CREG2: variants seen among roughly 807,000 people sequenced by gnomAD.
CREG2 encodes cellular repressor of E1A stimulated genes 2.
A neutral mutation model predicts 26.2 loss-of-function variants in CREG2; 24 were observed. The ratio of observed to expected loss-of-function variants is 0.92; its 90% CI spans 0.66 to 1.29. CREG2 has a LOEUF of 1.29. Ranked by LOEUF, CREG2 falls within the 50% of genes most tolerant of loss-of-function variation. CREG2 has a pLI of 0.00. For synonymous variants in CREG2, 174 were observed against 169.2 expected, an observed-to-expected ratio of 1.03 and a Z score of -0.22; for missense variants, 366 against 398.6, an observed-to-expected ratio of 0.92 and a Z score of 0.70.
chr2:101,351,042 G>A lies in CREG2; in HGVS notation c.754C>T (p.Gln252Ter). 1 of 1,614,072 alleles carries A rather than the reference G, an allele frequency of 6.2e-7. No homozygotes were observed. Among genetic ancestry groups the A allele is most frequent in the Middle Eastern group, 1.7e-4 (1 of 6,060 alleles). The change falls in exon 4 of 4, where the codon CAA (glutamine) becomes TAA (stop). Residue 252 changes from glutamine (Q) to a stop codon, truncating the protein, a stop_gained. Coordinates refer to ENST00000324768, the MANE Select transcript of CREG2 (RefSeq NM_153836.4). LOFTEE classifies it high-confidence loss of function. ...RHPGMRKWPR[Q>*]YEWFFMKMRI... Reference sequence around the variant, plus strand: ...ATCTTCATAAAGAACCATTCATATTGACGAGGCCACTTCCTCATCCCTGGG... The same window carrying A: ...ATCTTCATAAAGAACCATTCATATTAACGAGGCCACTTCCTCATCCCTGGG...
At chr2:101,354,062 A>T (rs1338439266) in intron 3 of CREG2, among the ~76,000 whole-genome samples, 1 of 152,174 alleles carries the variant, frequency 6.6e-6, no homozygotes, top group Non-Finnish European at 1.5e-5. Context: ...CCACCATGGC[A>T]CATGTATACC....
rs913738526 is a variant in CREG2 at position 101,382,973 on chromosome 2, G to C, written c.611+560C>G. 7.1e-6 allele frequency: 7 copies of C among 985,704 alleles called. No homozygotes were observed. The African/African-American group carries it at 1.2e-4, about 17-fold the overall frequency. The allele number at this position is 985,704 out of a possible 1,614,324, so 61.1% of individuals were successfully genotyped here. A position where few individuals can be genotyped will look rare whatever the true frequency, so the allele number is the denominator to read the frequency against. On this transcript the variant is annotated intron_variant, in intron 2 of 3. Coordinates refer to ENST00000324768, the MANE Select transcript of CREG2 (RefSeq NM_153836.4). ...TTGCATTTTGAATTCAGATAAAGGG[G>C]CCTGCATCAATGTTCTGTTAGTGCT...
At chr2:101,377,079 C>G (rs1684804060) in intron 2 of CREG2, among the ~76,000 whole-genome samples, 2 of 152,084 alleles carry the variant, frequency 1.3e-5, no homozygotes, top group South Asian at 4.1e-4. Flanking sequence ...AGACTTAATT[C>G]CCAAAGATGT....
intron 2 of CREG2, among the ~76,000 whole-genome samples, chr2:101,379,528 A>C (rs1684838590): frequency 6.6e-6 from 1 of 152,210 alleles, no homozygotes; most frequent in Non-Finnish European, 1.5e-5. Flanking sequence ...TTTATCTTTA[A>C]GACACAGGCC....
chr2:101,352,039 T>G (rs1187344707), intron 3 of CREG2, among the ~76,000 whole-genome samples: 1 of 76,820 alleles, frequency 1.3e-5, no homozygotes, highest in Non-Finnish European at 2.4e-5. Context: ...CCTGGCTAAT[T>G]TAAAAAAAAT....
intron 2 of CREG2, among the ~76,000 whole-genome samples, chr2:101,368,548 C>T (rs1384211480): frequency 6.6e-6 from 1 of 152,164 alleles, no homozygotes; most frequent in African/African-American, 2.4e-5. Flanking sequence ...GCAGGAGACA[C>T]AGACACCAGA....
chr2:101,366,498 GA>G (rs147867533), intron 2 of CREG2, among the ~76,000 whole-genome samples: 6 of 150,330 alleles, frequency 4.0e-5, no homozygotes, highest in Admixed American at 1.3e-4. Flanking sequence ...AAATATTTAG[GA>G]AAAAAAAAGC....
At chr2:101,363,204 C>T (rs1326631057) in intron 2 of CREG2, among the ~76,000 whole-genome samples, 1 of 152,182 alleles carries the variant, frequency 6.6e-6, no homozygotes, top group Non-Finnish European at 1.5e-5. Context: ...CGCCATTGTA[C>T]TGGGGATTCC....
intron 2 of CREG2, among the ~76,000 whole-genome samples, chr2:101,364,928 A>G (rs1205121720): frequency 6.6e-6 from 1 of 152,188 alleles, no homozygotes; most frequent in African/African-American, 2.4e-5. Flanking sequence ...TGATGGGGGC[A>G]AAGGGTTGGC....
At chr2:101,364,550 G>T (rs1684592571) in intron 2 of CREG2, among the ~76,000 whole-genome samples, 1 of 152,166 alleles carries the variant, frequency 6.6e-6, no homozygotes, top group Non-Finnish European at 1.5e-5. Flanking sequence ...AATAAGTATG[G>T]GTGTCATCTG....
chr2:101,382,486 G>C (rs1684892085), intron 2 of CREG2: 1 of 980,958 alleles, frequency 1.0e-6, no homozygotes, highest in African/African-American at 1.8e-5. Context: ...TGTACTTCTA[G>C]TAACAGTAAG....
chr2:101,380,288 TC>T (rs1684852591), intron 2 of CREG2, among the ~76,000 whole-genome samples: 2 of 152,180 alleles, frequency 1.3e-5, no homozygotes, highest in African/African-American at 4.8e-5. Context: ...GTTGGAGGCT[TC>T]TTGCTCCCGG....
rs1573319673 is a variant in CREG2, at chr2:101,383,676, G to A, written c.468C>T (p.Cys156=). 10 of 1,610,214 alleles carry A rather than the reference G, an allele frequency of 6.2e-6. No homozygotes were observed. Among genetic ancestry groups the A allele is most frequent in the South Asian group, 2.2e-5 (2 of 90,722 alleles). ...KKIQGLPFGN[C]LPVSDGPFNN... is the part of the protein sequence containing the mutation. The stretch of plus-strand genomic sequence containing the variant: ...TGAAGGGGCCATCACTGACGGGCAG[G>A]CAGTTCCCAAATGGCAGTCCTTGGA... Residue 156 remains cysteine (C), a synonymous_variant, in exon 2 of 4, where the codon TGC becomes TGT. Coordinates refer to ENST00000324768, the MANE Select transcript of CREG2 (RefSeq NM_153836.4).
chr2:101,378,798 G>C (rs1173470862), intron 2 of CREG2, among the ~76,000 whole-genome samples: 1 of 152,096 alleles, frequency 6.6e-6, no homozygotes, highest in Non-Finnish European at 1.5e-5. Context: ...CACGAGGTCA[G>C]GAGTTCAAGA....
rs1372442894 is a variant in CREG2 at position 101,347,394 on chromosome 2, A to C, written c.*3529T>G. ...GTTTAGTTTTATGAGAAACTGGCAAATGGTTTTGCGGAGTGGCTGTTCCAT... is the reference window on the plus strand; with the variant it reads ...GTTTAGTTTTATGAGAAACTGGCAACTGGTTTTGCGGAGTGGCTGTTCCAT... On this transcript the variant is annotated 3_prime_UTR_variant, in exon 4 of 4. Transcript: ENST00000324768. 1 of 152,170 alleles carries C rather than the reference A, an allele frequency of 6.6e-6. No individual in the cohort carries two copies. The highest frequency in any genetic ancestry group is 1.9e-4 in the East Asian group (1 of 5,196). The allele number at this position is 152,170 out of a possible 1,614,324, so 9.4% of individuals were successfully genotyped here. A position where few individuals can be genotyped will look rare whatever the true frequency, so the allele number is the denominator to read the frequency against.
Position 101,347,802 on chromosome 2 carries a change from A to G in CREG2, c.*3121T>C, listed in dbSNP as rs1191696316. ...TCGGCCTTTTAACATGGTCTTTTGC[A>G]GAACAAATGTTTTAAATTCTGATGA... On this transcript the variant is annotated 3_prime_UTR_variant, in exon 4 of 4. Transcript: ENST00000324768. 1 of 152,200 alleles carries G rather than the reference A, an allele frequency of 6.6e-6. No homozygotes were observed. Among genetic ancestry groups the G allele is most frequent in the Admixed American group, 6.5e-5 (1 of 15,284 alleles). 9.4% of individuals were successfully genotyped at this position (152,200 alleles called of 1,614,324 possible).
intron 2 of CREG2, among the ~76,000 whole-genome samples, chr2:101,364,712 G>A (rs1363757959): frequency 1.3e-5 from 2 of 152,204 alleles, no homozygotes; most frequent in African/African-American, 4.8e-5. Flanking sequence ...TTGGCCACAT[G>A]GTTTCCCTGG....
intron 2 of CREG2, among the ~76,000 whole-genome samples, chr2:101,363,851 AAC>A (rs5832961): frequency 0.23 from 34,234 of 145,778 alleles, 4,412 homozygotes; most frequent in South Asian, 0.35. Flanking sequence ...CCCTGTCTCA[AAC>A]ACACACACAC....
chr2:101,381,832 T>C (rs535879843), intron 2 of CREG2, among the ~76,000 whole-genome samples: 22 of 152,264 alleles, frequency 1.4e-4, no homozygotes, highest in African/African-American at 5.3e-4. Context: ...ACATGTGGCC[T>C]GTCATGAAGA....
Sources: gnomAD v4.1 joint callset for allele counts (sites outside exome capture counted in the v4.1 genomes callset) on GRCh38, gnomAD v4.1.1 for gene constraint, MANE v1.5 for transcripts, NCBI Gene and HGNC (gene_info 2026-07-23, HGNC 2026-07-21) for gene names.